ARID1B: variants seen among roughly 807,000 people sequenced by gnomAD.
The protein encoded by ARID1B is AT-rich interactive domain-containing protein 1B.
In ARID1B, 30 loss-of-function variants were observed where a neutral mutation model predicts 212.3. The observed-to-expected ratio is 0.14, with a 90% CI of 0.11 to 0.19. The LOEUF is 0.19. Ranked by LOEUF, ARID1B falls within the 10% of genes least tolerant of loss-of-function variation. ARID1B has a pLI of 1.00. For missense variants in ARID1B, 2,891 were observed against 3,204.0 expected (o/e 0.90, Z 2.36); for synonymous variants, 1,402 against 1,301.7 (o/e 1.08, Z -1.66).
In ARID1B at chr6:156,944,326, G is replaced by C. The variant is rs142963549; in HGVS notation, c.2247+8750G>C. Among the ~76,000 whole-genome samples, 924 of 152,178 alleles carry C rather than the reference G, an allele frequency of 6.1e-3. 14 individuals are homozygous for C. The highest frequency in any genetic ancestry group is 0.02 in the African/African-American group (841 of 41,504). ...GACACTTGAACTTATTGAGGGATTT[G>C]GGGTTGCCTTACTGAGTATATAATC... On this transcript the variant is annotated intron_variant, in intron 4 of 19. Coordinates refer to ENST00000636930, the MANE Select transcript of ARID1B (RefSeq NM_001374828.1).
At chr6:156,823,419 A>T (rs963974081) in intron 1 of ARID1B, among the ~76,000 whole-genome samples, 7 of 152,208 alleles carry the variant, frequency 4.6e-5, no homozygotes, top group Admixed American at 1.3e-4. Context: ...CTGTGAATCC[A>T]TTCTGAATCC....
rs117262362 is a variant in ARID1B, at chr6:156,910,417, A to G, written c.2136+8892A>G. ...TGGGTATAGCCCTTCTTGGTCCTTA[A>G]TTTAACTGAGAGGTGTTGTCTTGTA... On this transcript the variant is annotated intron_variant, in intron 3 of 19. Coordinates refer to ENST00000636930, the MANE Select transcript of ARID1B (RefSeq NM_001374828.1). Among the ~76,000 whole-genome samples, 6 of 152,264 alleles carry G rather than the reference A, an allele frequency of 3.9e-5. No individual in the cohort carries two copies. The East Asian group carries it at 1.2e-3, about 29-fold the overall frequency.
At chr6:157,172,735 AC>A (rs1791804200) in intron 9 of ARID1B, 1 of 152,198 alleles carries the variant, frequency 6.6e-6, no homozygotes, top group Non-Finnish European at 1.5e-5. Flanking sequence ...ATTTTCTAAA[AC>A]ATAGTAATAC....
intron 4 of ARID1B, chr6:156,976,812 A>G (rs1777280258): frequency 3.5e-6 from 2 of 569,246 alleles, no homozygotes; most frequent in Admixed American, 1.9e-5. Flanking sequence ...CTCCTAACTC[A>G]GTTACATTGG....
chr6:157,110,821 G>C (rs1262943021), intron 6 of ARID1B: 2 of 533,128 alleles, frequency 3.8e-6, no homozygotes, highest in African/African-American at 3.8e-5. Flanking sequence ...ATGAAGCATG[G>C]TTCACATATG....
In ARID1B at chr6:156,777,698, A is replaced by AGCGGCAGCAGCGGCGGCG. The variant is rs1554246896; in HGVS notation, c.23_24insAGCAGCGGCGGCGGCGGC (p.Ala9_Ala14dup). The AGCGGCAGCAGCGGCGGCG allele has an allele frequency of 1.4e-5, 2 of 146,666 alleles. No individual in the cohort carries two copies. The highest frequency in any genetic ancestry group is 3.0e-5 in the Non-Finnish European group (2 of 67,762). The allele number at this position is 146,666 out of a possible 1,614,324, so 9.1% of individuals were successfully genotyped here. ...CGGCGATCATGGCCGCGCGGGCAGC[A>AGCGGCAGCAGCGGCGGCG]GCGGCGGCGGCGGCGGCGGCGGCGC... On this transcript the variant is annotated inframe_insertion, in exon 1 of 20. Coordinates refer to ENST00000636930, the MANE Select transcript of ARID1B (RefSeq NM_001374828.1).
chr6:157,006,578 G>A (rs1779262674), intron 4 of ARID1B, among the ~76,000 whole-genome samples: 1 of 152,114 alleles, frequency 6.6e-6, no homozygotes, highest in Non-Finnish European at 1.5e-5. Flanking sequence ...ATTTATTTCA[G>A]TTATTAACCA....
intron 13 of ARID1B, chr6:157,186,303 T>C (rs1471479159): frequency 2.7e-6 from 1 of 365,052 alleles, no homozygotes; most frequent in African/African-American, 2.2e-5. Context: ...TCATTTTAAC[T>C]ACACAAAAGA....
At chr6:157,164,127 C>G (rs1015764832) in intron 8 of ARID1B, among the ~76,000 whole-genome samples, 2 of 152,210 alleles carry the variant, frequency 1.3e-5, no homozygotes, top group Non-Finnish European at 2.9e-5. Context: ...CCTCCCTGTT[C>G]TGGTGTAAAA....
intron 3 of ARID1B, among the ~76,000 whole-genome samples, chr6:156,933,512 A>G (rs1360403458): frequency 6.6e-6 from 1 of 152,184 alleles, no homozygotes; most frequent in Non-Finnish European, 1.5e-5. Context: ...TTGAGGGGGA[A>G]GGTGGTGGGG....
chr6:156,821,842 C>T (rs114595759), intron 1 of ARID1B, among the ~76,000 whole-genome samples: 259 of 152,226 alleles, frequency 1.7e-3, no homozygotes, highest in African/African-American at 6.0e-3. Context: ...CTTAAGAAAA[C>T]CAAAACCAAG....
In ARID1B at chr6:157,129,678, C is replaced by G. The variant is rs1788397036; in HGVS notation, c.2582-3350C>G. The stretch of plus-strand genomic sequence containing the variant: ...TTAATTCTACCTCCTTTTGGAAACT[C>G]CATCTCCTTTTTGCAAATGTGATTT... On this transcript the variant is annotated intron_variant, in intron 6 of 19. Coordinates refer to ENST00000636930, the MANE Select transcript of ARID1B (RefSeq NM_001374828.1). Among the ~76,000 whole-genome samples, 4 of 152,332 alleles carry G rather than the reference C, an allele frequency of 2.6e-5. No individual in the cohort carries two copies. In the South Asian group the frequency reaches 8.3e-4, roughly 32 times the overall value.
intron 1 of ARID1B, among the ~76,000 whole-genome samples, chr6:156,804,643 A>G (rs1781020434): frequency 1.3e-5 from 2 of 152,104 alleles, no homozygotes; most frequent in South Asian, 4.1e-4. Flanking sequence ...GAGAACTAAC[A>G]CAATCACGAG....
At chr6:156,795,676 C>G (rs140233385) in intron 1 of ARID1B, among the ~76,000 whole-genome samples, 1 of 152,090 alleles carries the variant, frequency 6.6e-6, no homozygotes, top group East Asian at 1.9e-4. Flanking sequence ...AAGCACTCAG[C>G]GGACACCTTC....
chr6:157,052,558 A>T (rs1782679283), intron 4 of ARID1B, among the ~76,000 whole-genome samples: 2 of 152,240 alleles, frequency 1.3e-5, no homozygotes, highest in Non-Finnish European at 2.9e-5. Context: ...GTGTAACTTA[A>T]ACAGGCATAA....
At chr6:157,049,742 A>G (rs1782467315) in intron 4 of ARID1B, among the ~76,000 whole-genome samples, 2 of 152,220 alleles carry the variant, frequency 1.3e-5, no homozygotes, top group East Asian at 1.9e-4. Context: ...GGTAAAATCA[A>G]TAAAATTTTA....
At chr6:157,182,263 T>C (rs1175104093) in intron 12 of ARID1B, among the ~76,000 whole-genome samples, 3 of 152,112 alleles carry the variant, frequency 2.0e-5, no homozygotes, top group East Asian at 3.9e-4. Flanking sequence ...AAAAATAATA[T>C]ATTTTTTAAA....
chr6:157,021,386 C>T (rs1334535470), intron 4 of ARID1B, among the ~76,000 whole-genome samples: 1 of 152,252 alleles, frequency 6.6e-6, no homozygotes, highest in Non-Finnish European at 1.5e-5. Context: ...ATTAACCCTG[C>T]CGCGGAGGCG....
At chr6:157,039,401 GC>G (rs955940309) in intron 4 of ARID1B, among the ~76,000 whole-genome samples, 4 of 142,204 alleles carry the variant, frequency 2.8e-5, no homozygotes, top group African/African-American at 1.1e-4. Flanking sequence ...CGCAATCTCG[GC>G]TCACTGCAAG....
Sources: allele counts gnomAD v4.1 joint callset (sites outside exome capture counted in the v4.1 genomes callset), GRCh38; gene constraint gnomAD v4.1.1; transcripts MANE v1.5; gene names NCBI Gene and HGNC (gene_info 2026-07-23, HGNC 2026-07-21).